Variants in AKAP6 observed in about 807,000 individuals in gnomAD.
AKAP6 encodes A-kinase anchoring protein 6, also known as A-kinase anchor protein 6.
A neutral mutation model predicts 188.5 loss-of-function variants in AKAP6; 58 were observed. The observed-to-expected ratio is 0.31, with a 90% CI of 0.25 to 0.38. The LOEUF is 0.38. Ranked by LOEUF, AKAP6 falls within the 10% of genes least tolerant of loss-of-function variation. The pLI, the probability that AKAP6 is intolerant of heterozygous loss-of-function variation, is 1.00. For synonymous variants in AKAP6, 989 were observed against 998.6 expected, an observed-to-expected ratio of 0.99 and a Z score of 0.18; for missense variants, 2,710 against 2,740.0, an observed-to-expected ratio of 0.99 and a Z score of 0.24.
At chr14:32,646,236 A>T (rs1887981727) in intron 7 of AKAP6, among the ~76,000 whole-genome samples, 1 of 152,084 alleles carries the variant, frequency 6.6e-6, no homozygotes. Flanking sequence ...GTATCTGAGA[A>T]CACCTATAAT....
intron 1 of AKAP6, among the ~76,000 whole-genome samples, chr14:32,408,966 G>A (rs1050032093): frequency 5.3e-5 from 8 of 152,140 alleles, no homozygotes; most frequent in South Asian, 2.1e-4. Flanking sequence ...TTGGGAGGCC[G>A]ATGCAGGTGG....
At chr14:32,411,913 AAT>A (rs894915607) in intron 1 of AKAP6, among the ~76,000 whole-genome samples, 2 of 151,518 alleles carry the variant, frequency 1.3e-5, no homozygotes, top group African/African-American at 2.4e-5. Flanking sequence ...TTTCTTCTCT[AAT>A]ATGTTTTCCG....
intron 7 of AKAP6, among the ~76,000 whole-genome samples, chr14:32,603,024 G>A (rs1440842891): frequency 1.3e-5 from 2 of 152,156 alleles, no homozygotes; most frequent in African/African-American, 2.4e-5. Flanking sequence ...GTGATGTGCC[G>A]TGAAAGGAAA....
intron 2 of AKAP6, among the ~76,000 whole-genome samples, chr14:32,460,809 A>G (rs1891298001): frequency 6.6e-6 from 1 of 152,244 alleles, no homozygotes; most frequent in South Asian, 2.1e-4. Flanking sequence ...CAGCAAGCTA[A>G]GAACCACTGG....
intron 2 of AKAP6, among the ~76,000 whole-genome samples, chr14:32,437,859 C>G (rs1708427379): frequency 6.6e-6 from 1 of 152,184 alleles, no homozygotes; most frequent in African/African-American, 2.4e-5. Context: ...CTCTGCCTTC[C>G]AAAGTGCTGG....
intron 2 of AKAP6, among the ~76,000 whole-genome samples, chr14:32,513,151 T>C (rs1426978958): frequency 1.3e-5 from 2 of 152,154 alleles, no homozygotes; most frequent in African/African-American, 2.4e-5. Context: ...AAACTGTCCA[T>C]AGAACTATCT....
intron 1 of AKAP6, among the ~76,000 whole-genome samples, chr14:32,390,354 C>G (rs1888670091): frequency 6.6e-6 from 1 of 152,054 alleles, no homozygotes; most frequent in South Asian, 2.1e-4. Context: ...TCAGGTAAAT[C>G]AGGGATTTCT....
intron 9 of AKAP6, among the ~76,000 whole-genome samples, chr14:32,698,086 G>A (rs1477643556): frequency 3.3e-5 from 5 of 152,100 alleles, no homozygotes; most frequent in Admixed American, 6.6e-5. Flanking sequence ...CTAGTCTGTA[G>A]GGTCTTTCTT....
At chr14:32,765,611 A>T (rs2032690803) in intron 11 of AKAP6, among the ~76,000 whole-genome samples, 2 of 152,064 alleles carry the variant, frequency 1.3e-5, no homozygotes, top group African/African-American at 4.8e-5. Context: ...ATACAGCAGA[A>T]TGTCTGATCT....
At chr14:32,737,136 T>C (rs1432001395) in intron 11 of AKAP6, among the ~76,000 whole-genome samples, 3 of 152,144 alleles carry the variant, frequency 2.0e-5, no homozygotes, top group Non-Finnish European at 2.9e-5. Context: ...TTTCAAACTT[T>C]TTGAGATTAT....
Position 32,546,690 on chromosome 14 carries a change from A to T in AKAP6, c.2037A>T (p.Glu679Asp), listed in dbSNP as rs1201863331. 1 of 1,613,994 alleles carries T rather than the reference A, an allele frequency of 6.2e-7. No individual in the cohort carries two copies. The highest frequency in any genetic ancestry group is 2.2e-5 in the East Asian group (1 of 44,890). The change falls in exon 4 of 14, where the codon GAA becomes GAT. Residue 679 changes from glutamate (E) to aspartate (D), a missense_variant. Coordinates refer to ENST00000280979, the MANE Select transcript of AKAP6 (RefSeq NM_004274.5). ...WELSEMNSDS[E>D]IYPTYHVKKK... ...TGTCTGAAATGAATTCAGATTCTGA[A>T]ATCTATCCAACCTATCATGTCAAAA... is the stretch of plus-strand genomic sequence containing the variant.
chr14:32,769,149 G>A (rs1415479363), intron 11 of AKAP6, among the ~76,000 whole-genome samples: 2 of 140,614 alleles, frequency 1.4e-5, no homozygotes, highest in Non-Finnish European at 3.0e-5. Context: ...CTGGGCTCAA[G>A]CCATTCTCCT....
chr14:32,472,703 G>A (rs1287447176), intron 2 of AKAP6, among the ~76,000 whole-genome samples: 8 of 152,092 alleles, frequency 5.3e-5, no homozygotes, highest in Admixed American at 5.2e-4. Context: ...CAACTGTTGG[G>A]CTCATTGTGC....
In AKAP6 at chr14:32,419,867, TA is replaced by T. The variant is rs1889781723; in HGVS notation, c.-34-13592del. On this transcript the variant is annotated intron_variant, in intron 1 of 13. Coordinates refer to ENST00000280979, the MANE Select transcript of AKAP6 (RefSeq NM_004274.5). ...AACCAAGTTGTACCCCACCCAGTCT[TA>T]TGACATTCTCTACAAAAACAAAAAC... Among the ~76,000 whole-genome samples, 9 of 151,984 alleles carry T rather than the reference TA, an allele frequency of 5.9e-5. No individual in the cohort carries two copies. In the South Asian group the frequency reaches 1.9e-3, roughly 32 times the overall value.
intron 12 of AKAP6, among the ~76,000 whole-genome samples, chr14:32,800,655 T>C (rs1259889391): frequency 1.3e-5 from 2 of 151,536 alleles, no homozygotes; most frequent in African/African-American, 2.4e-5. Flanking sequence ...TCCTTTTGAT[T>C]AGTGTTAGCA....
chr14:32,455,229 A>T (rs2138798511), intron 2 of AKAP6, among the ~76,000 whole-genome samples: 1 of 152,054 alleles, frequency 6.6e-6, no homozygotes, highest in South Asian at 2.1e-4. Context: ...TGGCCTCCCA[A>T]AGTGCTGGGA....
intron 1 of AKAP6, among the ~76,000 whole-genome samples, chr14:32,357,313 G>C (rs1424590480): frequency 2.0e-5 from 3 of 152,188 alleles, no homozygotes; most frequent in Non-Finnish European, 2.9e-5. Context: ...TCGAGGAACT[G>C]TTGCTGTGCA....
At chr14:32,599,873 A>G (rs543361809) in intron 6 of AKAP6, among the ~76,000 whole-genome samples, 4 of 152,210 alleles carry the variant, frequency 2.6e-5, no homozygotes, top group Middle Eastern at 3.2e-3. Context: ...GCATTAGGGT[A>G]CTTATAGATA....
At chr14:32,735,066 G>A (rs971298476) in intron 10 of AKAP6, among the ~76,000 whole-genome samples, 12 of 152,142 alleles carry the variant, frequency 7.9e-5, no homozygotes, top group Non-Finnish European at 1.2e-4. Context: ...GGAAAGAATT[G>A]TGGGATTGAA....
Sources: gnomAD v4.1 joint callset for allele counts (sites outside exome capture counted in the v4.1 genomes callset) on GRCh38, gnomAD v4.1.1 for gene constraint, MANE v1.5 for transcripts, NCBI Gene and HGNC (gene_info 2026-07-23, HGNC 2026-07-21) for gene names.